The following PEAK1 variants were observed in gnomAD, a reference collection of about 807,000 sequenced individuals.
PEAK1 encodes the protein inactive tyrosine-protein kinase PEAK1.
In PEAK1, 54 loss-of-function variants were observed where a neutral mutation model predicts 124.7. The observed-to-expected ratio is 0.43, with a 90% CI of 0.35 to 0.54. The LOEUF (loss-of-function observed/expected upper bound fraction) is 0.54, where lower values mean the gene tolerates loss of function less well. Among genes scored for constraint, PEAK1 ranks in the 20% least tolerant of loss-of-function variants. The pLI is 0.01. For missense variants in PEAK1, 2,046 were observed against 2,134.5 expected (o/e 0.96, Z 0.82); for synonymous variants, 719 against 760.0 (o/e 0.95, Z 0.89).
intron 6 of PEAK1, among the ~76,000 whole-genome samples, chr15:77,217,222 CAAAAAAAAAAAAAAAA>C (rs34034344): frequency 1.5e-5 from 1 of 68,332 alleles, no homozygotes; most frequent in African/African-American, 6.3e-5. Context: ...GACTCTGTCT[CAAAAAAAAAAAAAAAA>C]AAAAAAAAAG....
chr15:77,254,545 G>A (rs1390242476), intron 5 of PEAK1, among the ~76,000 whole-genome samples: 13 of 152,066 alleles, frequency 8.5e-5, no homozygotes, highest in African/African-American at 2.4e-4. Flanking sequence ...CAATCCTCCT[G>A]CCTCAGCCTC....
In PEAK1 at chr15:77,264,265, C is replaced by G. The variant is rs555453475; in HGVS notation, c.-274-11739G>C. On this transcript the variant is annotated intron_variant, in intron 5 of 9. Coordinates refer to ENST00000682557, the MANE Select transcript of PEAK1 (RefSeq NM_001385026.1). ...GGAAGTTCTGGCCAGGGCAATCAGG[C>G]AGGAGAAGGAAATAAAGGGTATTCA... 2.7e-3 allele frequency among the ~76,000 whole-genome samples: 413 copies of G among 151,996 alleles called. 1 individual carries two copies. The highest frequency in any genetic ancestry group is 0.02 in the Middle Eastern group (6 of 294).
chr15:77,346,219 A>G lies in PEAK1; in HGVS notation c.-603+18944T>C, dbSNP rs966301867. On this transcript the variant is annotated intron_variant, in intron 2 of 9. Coordinates refer to ENST00000682557, the MANE Select transcript of PEAK1 (RefSeq NM_001385026.1). ...TAATAAAGTCATTTCAATAGAACTA[A>G]GAGTGCCACAGTTTCAATGTCATCT... 9 of 932,304 alleles carry G rather than the reference A, an allele frequency of 9.7e-6. No homozygotes were observed. The Admixed American group carries it at 3.1e-4, about 32-fold the overall frequency. 57.8% of individuals were successfully genotyped at this position (932,304 alleles called of 1,614,324 possible). A position where few individuals can be genotyped will look rare whatever the true frequency, so the allele number is the denominator to read the frequency against.
Position 77,236,325 on chromosome 15 carries a change from C to T in PEAK1, c.-115+16042G>A, listed in dbSNP as rs968809914. Among the ~76,000 whole-genome samples the T allele has an allele frequency of 2.5e-4, 38 of 152,216 alleles. 1 individual carries two copies. Among genetic ancestry groups the T allele is most frequent in the African/African-American group, 9.2e-4 (38 of 41,460 alleles). On this transcript the variant is annotated intron_variant, in intron 6 of 9. Coordinates refer to ENST00000682557, the MANE Select transcript of PEAK1 (RefSeq NM_001385026.1). ...GACTACCCAAGGCCATGGGAGCCCA[C>T]CTCTTGCATCAGCATGACCTGAATG... is the stretch of plus-strand genomic sequence containing the variant.
At chr15:77,188,913 C>T (rs907347756) in intron 6 of PEAK1, among the ~76,000 whole-genome samples, 4 of 152,034 alleles carry the variant, frequency 2.6e-5, no homozygotes, top group South Asian at 4.2e-4. Context: ...ACTCATAATT[C>T]GGCCAGGTGC....
In PEAK1 at chr15:77,404,008, G is replaced by A. The variant is rs943720744; in HGVS notation, c.-666+15998C>T. The A allele has an allele frequency of 1.4e-5, 14 of 967,684 alleles. No homozygotes were observed. In the African/African-American group the frequency reaches 2.3e-4, roughly 16 times the overall value. The allele number at this position is 967,684 out of a possible 1,614,324, so 59.9% of individuals were successfully genotyped here. A position where few individuals can be genotyped will look rare whatever the true frequency, so the allele number is the denominator to read the frequency against. On this transcript the variant is annotated intron_variant, in intron 1 of 9. Transcript: ENST00000682557. ...CAGATTATTTTATCACTCAGGTAAT[G>A]AGCATAGTACCTGGTAGTTAAAAAC... is the stretch of plus-strand genomic sequence containing the variant.
intron 6 of PEAK1, among the ~76,000 whole-genome samples, chr15:77,190,937 G>A (rs1016456451): frequency 2.0e-5 from 3 of 152,070 alleles, no homozygotes; most frequent in African/African-American, 7.2e-5. Flanking sequence ...GTTTTGCAGG[G>A]TTTTTTTGTA....
intron 7 of PEAK1, among the ~76,000 whole-genome samples, chr15:77,162,379 A>T (rs545828389): frequency 4.6e-5 from 7 of 150,868 alleles, no homozygotes; most frequent in African/African-American, 7.3e-5. Flanking sequence ...CTGTAGTCCC[A>T]GGTATCGGGG....
chr15:77,141,764 A>G (rs2053807190), intron 8 of PEAK1, among the ~76,000 whole-genome samples: 1 of 152,218 alleles, frequency 6.6e-6, no homozygotes, highest in African/African-American at 2.4e-5. Flanking sequence ...TTGCCAAAAC[A>G]ATTCAACAGG....
In PEAK1 at chr15:77,111,100, C is replaced by T. The variant is rs2050950604; in HGVS notation, c.*3056G>A. ...TCCAATAGGAGCTTAATTGTTCAAA[C>T]TCTCAATATAAATGGAAAACTCTAC... On this transcript the variant is annotated 3_prime_UTR_variant, in exon 10 of 10. Coordinates refer to ENST00000682557, the MANE Select transcript of PEAK1 (RefSeq NM_001385026.1). The T allele has an allele frequency of 6.6e-6, 1 of 152,192 alleles. No homozygotes were observed. The highest frequency in any genetic ancestry group is 2.1e-4 in the South Asian group (1 of 4,834). 9.4% of individuals were successfully genotyped at this position (152,192 alleles called of 1,614,324 possible). A position where few individuals can be genotyped will look rare whatever the true frequency, so the allele number is the denominator to read the frequency against.
At chr15:77,285,716 A>AT (rs550452119) in intron 3 of PEAK1, among the ~76,000 whole-genome samples, 4 of 150,922 alleles carry the variant, frequency 2.7e-5, no homozygotes, top group Admixed American at 6.6e-5. Flanking sequence ...CCCCTATGTC[A>AT]TTTTTTTTTA....
At chr15:77,251,719 G>C (rs889083800) in intron 6 of PEAK1, among the ~76,000 whole-genome samples, 2 of 152,112 alleles carry the variant, frequency 1.3e-5, no homozygotes, top group Admixed American at 1.3e-4. Flanking sequence ...GGGATGTCAG[G>C]GGGGACAGCA....
chr15:77,332,934 T>C (rs2065980692), intron 2 of PEAK1: 1 of 360,028 alleles, frequency 2.8e-6, no homozygotes. Flanking sequence ...CATTTATTGG[T>C]TGATTTTGTT....
intron 6 of PEAK1, among the ~76,000 whole-genome samples, chr15:77,228,116 A>C (rs1446076402): frequency 2.6e-5 from 4 of 151,832 alleles, no homozygotes; most frequent in African/African-American, 9.7e-5. Context: ...TCTATTTTTT[A>C]TTTATTATTA....
chr15:77,226,962 CCA>C (rs1237856549), intron 6 of PEAK1, among the ~76,000 whole-genome samples: 5 of 152,126 alleles, frequency 3.3e-5, no homozygotes, highest in Non-Finnish European at 7.4e-5. Context: ...CTATCTAGCT[CCA>C]GAGTCTACAA....
intron 6 of PEAK1, among the ~76,000 whole-genome samples, chr15:77,234,557 A>G (rs1360265025): frequency 6.6e-6 from 1 of 152,222 alleles, no homozygotes; most frequent in East Asian, 1.9e-4. Flanking sequence ...ATTACCCAGA[A>G]AGAAAAGGTG....
At chr15:77,376,195 A>AT (rs1327232194) in intron 1 of PEAK1, among the ~76,000 whole-genome samples, 1 of 152,166 alleles carries the variant, frequency 6.6e-6, no homozygotes, top group Non-Finnish European at 1.5e-5. Flanking sequence ...ATGAGCATGA[A>AT]TAAAAAAAAT....
At chr15:77,225,972 G>A (rs1490804059) in intron 6 of PEAK1, among the ~76,000 whole-genome samples, 2 of 137,942 alleles carry the variant, frequency 1.4e-5, no homozygotes, top group East Asian at 2.1e-4. Flanking sequence ...GTATTTAATC[G>A]ATCCTTAACC....
intron 5 of PEAK1, among the ~76,000 whole-genome samples, chr15:77,271,920 T>G (rs1012989297): frequency 1.3e-5 from 2 of 151,926 alleles, no homozygotes; most frequent in African/African-American, 4.8e-5. Flanking sequence ...CCCTAGAACT[T>G]AAAGTATAAT....
Sources: gnomAD v4.1 joint callset for allele counts (sites outside exome capture counted in the v4.1 genomes callset) on GRCh38, gnomAD v4.1.1 for gene constraint, MANE v1.5 for transcripts, NCBI Gene and HGNC (gene_info 2026-07-23, HGNC 2026-07-21) for gene names.